The following VARS1 variants were observed in gnomAD, a reference collection of about 807,000 sequenced individuals.
VARS1 encodes valyl-tRNA synthetase 1, also known as valine--tRNA ligase.
VARS1 carries 92 observed loss-of-function variants against 161.0 expected under a neutral mutation model. That is an observed-to-expected ratio of 0.57 (90% CI 0.48 to 0.68). The LOEUF is 0.68. Among genes scored for constraint, VARS1 ranks in the 30% least tolerant of loss-of-function variants. The probability of loss-of-function intolerance (pLI) is 0.00; values close to 1 mark genes in which losing one functional copy is unlikely to be tolerated. For missense variants in VARS1, 1,338 were observed against 1,695.9 expected (o/e 0.79, Z 3.71); for synonymous variants, 595 against 682.5 (o/e 0.87, Z 2.00).
chr6:31,777,722 C>T lies in VARS1; in HGVS notation c.3727-60G>A. On this transcript the variant is annotated intron_variant, in intron 29 of 29. Transcript: ENST00000375663. This position sits in a 1 kb window ranked among gnomAD's most constrained non-coding sequence, Gnocchi z 5.8. ...GTCCAAGTGAAGAGACCCCCAAACA[C>T]CCAGGACAACAAAGTTGGAAAGATG... 1 of 1,569,338 alleles carries T rather than the reference C, an allele frequency of 6.4e-7. No individual in the cohort carries two copies. Among genetic ancestry groups the T allele is most frequent in the Non-Finnish European group, 8.7e-7 (1 of 1,152,060 alleles).
Position 31,795,163 on chromosome 6 carries a change from G to A in VARS1, c.55C>T (p.Leu19Phe). Residue 19 changes from leucine to phenylalanine, a missense_variant, in exon 2 of 30, where the codon CTC (leucine) becomes TTC (phenylalanine). Coordinates refer to ENST00000375663, the MANE Select transcript of VARS1 (RefSeq NM_006295.3). This position sits in a 1 kb window ranked among gnomAD's most constrained non-coding sequence, Gnocchi z 6.9. Reference protein sequence around the residue: ...HPDAFPSLRALIAARYGEAGE... With the variant: ...HPDAFPSLRAFIAARYGEAGE... Reference sequence around the variant, plus strand: ...GCCTCCCCATAGCGAGCGGCTATGAGGGCTCGGAGGCTGGGGAAGGCATCT... The same window carrying A: ...GCCTCCCCATAGCGAGCGGCTATGAAGGCTCGGAGGCTGGGGAAGGCATCT... 1 of 1,481,130 alleles carries A rather than the reference G, an allele frequency of 6.8e-7. No homozygotes were observed. Among genetic ancestry groups the A allele is most frequent in the Non-Finnish European group, 9.0e-7 (1 of 1,116,120 alleles). The allele number at this position is 1,481,130 out of a possible 1,614,324, so 91.7% of individuals were successfully genotyped here.
intron 8 of VARS1, among the ~76,000 whole-genome samples, chr6:31,790,602 CAAAAAAAAA>C (rs9279419): frequency 2.3e-5 from 1 of 43,386 alleles, no homozygotes; most frequent in Non-Finnish European, 3.9e-5. Flanking sequence ...AACTCTGTCT[CAAAAAAAAA>C]AAAAAAAAAA....
rs1359951081 is a variant in VARS1 at position 31,795,137 on chromosome 6, A to T, written c.81T>A (p.Ala27=). ...CTCCTCCCCATCCGGGACCCTCCCC[A>T]GCCTCCCCATAGCGAGCGGCTATGA... ...RALIAARYGE[A]GEGPGWGGAH... Residue 27 remains alanine, a synonymous_variant, in exon 2 of 30, where the codon GCT becomes GCA. Transcript: ENST00000375663. This position sits in a 1 kb window ranked among gnomAD's most constrained non-coding sequence, Gnocchi z 6.9. 6.7e-7 allele frequency: 1 copy of T among 1,487,660 alleles called. No homozygotes were observed. Among genetic ancestry groups the T allele is most frequent in the African/African-American group, 1.4e-5 (1 of 71,312 alleles). The allele number at this position is 1,487,660 out of a possible 1,614,324, so 92.2% of individuals were successfully genotyped here.
rs1813345798 is a variant in VARS1, at chr6:31,784,301, G to A, written c.1584C>T (p.Asp528=). The A allele has an allele frequency of 1.2e-6, 2 of 1,614,142 alleles. No individual in the cohort carries two copies. The highest frequency in any genetic ancestry group is 1.1e-5 in the South Asian group (1 of 91,080). Residue 528 remains aspartate (D), a synonymous_variant, in exon 13 of 30, where the codon GAC becomes GAT. Coordinates refer to ENST00000375663, the MANE Select transcript of VARS1 (RefSeq NM_006295.3). The surrounding 1 kb of genome is among the most constrained non-coding windows in gnomAD (Gnocchi z 6.1). The part of the protein sequence containing the change: ...FAYKVQGSDS[D]EEVVVATTRI... ...GAGTTGTTGCCACCACCACCTCCTC[G>A]TCGCTATCTGGGGTGACAGAAGGCC...
At position 31,795,220 on chromosome 6, in the gene VARS1, T is replaced by G; in HGVS notation, c.-3A>C. The G allele has an allele frequency of 7.0e-7, 1 of 1,425,966 alleles. No individual in the cohort carries two copies. Among genetic ancestry groups the G allele is most frequent in the South Asian group, 1.7e-5 (1 of 59,456 alleles). 88.3% of individuals were successfully genotyped at this position (1,425,966 alleles called of 1,614,324 possible). A position where few individuals can be genotyped will look rare whatever the true frequency, so the allele number is the denominator to read the frequency against. On this transcript the variant is annotated 5_prime_UTR_variant, in exon 2 of 30. Coordinates refer to ENST00000375663, the MANE Select transcript of VARS1 (RefSeq NM_006295.3). The surrounding 1 kb of genome is among the most constrained non-coding windows in gnomAD (Gnocchi z 6.9). ...GGGGAGACGTAGAGGGTGGACATAG[T>G]TATGAGAAGGTCCGAACGAAGTGGA...
intron 2 of VARS1, among the ~76,000 whole-genome samples, chr6:31,793,976 C>T (rs555011748): frequency 5.9e-5 from 9 of 151,426 alleles, no homozygotes; most frequent in East Asian, 1.9e-4. Flanking sequence ...AGGTGGTGGG[C>T]GCCTGTAATC....
chr6:31,795,085 G>T lies in VARS1; in HGVS notation c.133C>A (p.Pro45Thr). ...GAHPRICLQP[P>T]PTSRTPFPPP... The stretch of plus-strand genomic sequence containing the variant: ...GGAAAGGGAGTCCTGCTAGTCGGGG[G>T]TGGCTGGAGACAGATGCGGGGGTGG... Residue 45 changes from proline (P) to threonine (T), a missense_variant, in exon 2 of 30, where the codon CCC (proline) becomes ACC (threonine). Transcript: ENST00000375663. The surrounding 1 kb of genome is among the most constrained non-coding windows in gnomAD (Gnocchi z 6.9). The T allele has an allele frequency of 4.0e-6, 6 of 1,504,876 alleles. No homozygotes were observed. Among genetic ancestry groups the T allele is most frequent in the Non-Finnish European group, 4.4e-6 (5 of 1,123,600 alleles). 93.2% of individuals were successfully genotyped at this position (1,504,876 alleles called of 1,614,324 possible). A position where few individuals can be genotyped will look rare whatever the true frequency, so the allele number is the denominator to read the frequency against.
In VARS1 at chr6:31,791,816, G is replaced by C; in HGVS notation, c.972+55C>G. ...CCCCTCCCAGGCAACACATCCTTCA[G>C]TCCTGCCCTTCCCCACCCCACCCAC... On this transcript the variant is annotated intron_variant, in intron 7 of 29. Coordinates refer to ENST00000375663, the MANE Select transcript of VARS1 (RefSeq NM_006295.3). This position sits in a 1 kb window ranked among gnomAD's most constrained non-coding sequence, Gnocchi z 5.0. 6.2e-7 allele frequency: 1 copy of C among 1,612,846 alleles called. No homozygotes were observed. Among genetic ancestry groups the C allele is most frequent in the Non-Finnish European group, 8.5e-7 (1 of 1,179,932 alleles).
In VARS1 at chr6:31,781,791, G is replaced by C; in HGVS notation, c.2348-30C>G. On this transcript the variant is annotated intron_variant, in intron 19 of 29. Coordinates refer to ENST00000375663, the MANE Select transcript of VARS1 (RefSeq NM_006295.3). This position sits in a 1 kb window ranked among gnomAD's most constrained non-coding sequence, Gnocchi z 6.8. ...GAGAGGCCAAAGGTCAGAGGTCAGA[G>C]GGAGTGGAGCTCTGCCCCCCACAAC... The C allele has an allele frequency of 6.2e-7, 1 of 1,612,994 alleles. No homozygotes were observed. The highest frequency in any genetic ancestry group is 8.5e-7 in the Non-Finnish European group (1 of 1,179,992).
rs1001950036 is a variant in VARS1, at chr6:31,780,312, A to G, written c.2925+129T>C. The G allele has an allele frequency of 5.7e-5, 86 of 1,516,820 alleles. No homozygotes were observed. The highest frequency in any genetic ancestry group is 3.7e-4 in the Admixed American group (18 of 48,832). The allele number at this position is 1,516,820 out of a possible 1,614,324, so 94.0% of individuals were successfully genotyped here. On this transcript the variant is annotated intron_variant, in intron 25 of 29. Transcript: ENST00000375663. This position sits in a 1 kb window ranked among gnomAD's most constrained non-coding sequence, Gnocchi z 5.1. ...AAGAAGTGACAGGCCCCAGCCCCCA[A>G]TGCGCTGGGCTTTCCCTTTAACTGT...
At chr6:31,788,714 C>G (rs1446327754) in intron 8 of VARS1, among the ~76,000 whole-genome samples, 1 of 151,810 alleles carries the variant, frequency 6.6e-6, no homozygotes, top group Non-Finnish European at 1.5e-5. Context: ...GAGGCTGAGG[C>G]AGGAGTATGC....
Position 31,784,842 on chromosome 6 carries a change from G to A in VARS1, c.1348-128C>T. The A allele has an allele frequency of 7.3e-7, 1 of 1,371,342 alleles. No homozygotes were observed. Among genetic ancestry groups the A allele is most frequent in the South Asian group, 1.4e-5 (1 of 73,268 alleles). The allele number at this position is 1,371,342 out of a possible 1,614,324, so 84.9% of individuals were successfully genotyped here. ...GGCCAGCACAAAGACCCCTCTGAGGGGAGTACTTTCCTTCTTTCCTTGAGG... is the reference window on the plus strand; with the variant it reads ...GGCCAGCACAAAGACCCCTCTGAGGAGAGTACTTTCCTTCTTTCCTTGAGG... On this transcript the variant is annotated intron_variant, in intron 10 of 29. Coordinates refer to ENST00000375663, the MANE Select transcript of VARS1 (RefSeq NM_006295.3). This position sits in a 1 kb window ranked among gnomAD's most constrained non-coding sequence, Gnocchi z 6.1.
chr6:31,781,972 T>G lies in VARS1; in HGVS notation c.2242-20A>C, dbSNP rs757583659. ...AGGGTCCTGCCACAGGTGCAGTGAT[T>G]ACCCAAGGGGGTGTGTCTGCTTCTG... is the stretch of plus-strand genomic sequence containing the variant. On this transcript the variant is annotated intron_variant, in intron 18 of 29. Transcript: ENST00000375663. This position sits in a 1 kb window ranked among gnomAD's most constrained non-coding sequence, Gnocchi z 6.8. The G allele has an allele frequency of 6.2e-7, 1 of 1,612,994 alleles. No homozygotes were observed. The highest frequency in any genetic ancestry group is 8.5e-7 in the Non-Finnish European group (1 of 1,179,992).
chr6:31,784,110 G>C lies in VARS1; in HGVS notation c.1671+104C>G, dbSNP rs1813333017. 7.6e-7 allele frequency: 1 copy of C among 1,320,358 alleles called. No homozygotes were observed. The highest frequency in any genetic ancestry group is 1.3e-5 in the South Asian group (1 of 76,624). The allele number at this position is 1,320,358 out of a possible 1,614,324, so 81.8% of individuals were successfully genotyped here. A position where few individuals can be genotyped will look rare whatever the true frequency, so the allele number is the denominator to read the frequency against. ...AAGCTGAAGACCAGTTTCTAACCCA[G>C]TTTCCTCTCCTCAGCCAGGGGCCTA... On this transcript the variant is annotated intron_variant, in intron 13 of 29. Coordinates refer to ENST00000375663, the MANE Select transcript of VARS1 (RefSeq NM_006295.3). The surrounding 1 kb of genome is among the most constrained non-coding windows in gnomAD (Gnocchi z 6.1).
chr6:31,792,032 G>A, intron 6 of VARS1, 61 bp from the exon 7 acceptor site: 2 of 1,497,004 alleles, frequency 1.3e-6, no homozygotes, highest in Non-Finnish European at 1.8e-6. Flanking sequence ...AAGGAGACGT[G>A]CTGGCAGAGA....
In VARS1 at chr6:31,794,855, G is replaced by C; in HGVS notation, c.363C>G (p.Leu121=). Residue 121 remains leucine (L), a synonymous_variant, in exon 2 of 30, where the codon CTC becomes CTG. Coordinates refer to ENST00000375663, the MANE Select transcript of VARS1 (RefSeq NM_006295.3). ...ACGATLPALG[L]RSSAQDPQAV... ...CCTGGGGGTCCTGGGCCGAGCTTCG[G>C]AGTCCCAGGGCCGGCAGCGTTGCTC... 6.2e-7 allele frequency: 1 copy of C among 1,606,614 alleles called. No homozygotes were observed. Among genetic ancestry groups the C allele is most frequent in the Non-Finnish European group, 8.5e-7 (1 of 1,175,222 alleles).
Position 31,777,775 on chromosome 6 carries a change from C to T in VARS1, c.3727-113G>A. ...CGAGGACCATGGGAGGTCAGTAGCT[C>T]AGAGGAGGCGTGAACCTGGCTGGCC... On this transcript the variant is annotated intron_variant, in intron 29 of 29. Coordinates refer to ENST00000375663, the MANE Select transcript of VARS1 (RefSeq NM_006295.3). The surrounding 1 kb of genome is among the most constrained non-coding windows in gnomAD (Gnocchi z 5.8). 7.7e-7 allele frequency: 1 copy of T among 1,296,728 alleles called. No individual in the cohort carries two copies. Among genetic ancestry groups the T allele is most frequent in the Non-Finnish European group, 1.1e-6 (1 of 923,516 alleles). 80.3% of individuals were successfully genotyped at this position (1,296,728 alleles called of 1,614,324 possible). A position where few individuals can be genotyped will look rare whatever the true frequency, so the allele number is the denominator to read the frequency against.
chr6:31,791,613 C>A lies in VARS1; in HGVS notation c.1097G>T (p.Arg366Leu). ...LTNAIQDSLT[R>L]WHRMRGETTL... ...GAAGGTGCAGATAGAAGCTCACCAT[C>A]GAGTCAGGGAGTCCTGGATGGCGTT... Residue 366 changes from arginine to leucine, a missense_variant, in exon 8 of 30, where the codon CGA becomes CTA. Coordinates refer to ENST00000375663, the MANE Select transcript of VARS1 (RefSeq NM_006295.3). The surrounding 1 kb of genome is among the most constrained non-coding windows in gnomAD (Gnocchi z 5.0). The A allele has an allele frequency of 1.9e-6, 3 of 1,609,500 alleles. No individual in the cohort carries two copies. Among genetic ancestry groups the A allele is most frequent in the Non-Finnish European group, 2.5e-6 (3 of 1,177,974 alleles).
chr6:31,783,478 C>T (rs1206433164), intron 13 of VARS1, among the ~76,000 whole-genome samples: 2 of 151,906 alleles, frequency 1.3e-5, no homozygotes, highest in Non-Finnish European at 2.9e-5. Context: ...CCACTGCACT[C>T]TAGCCTGGGC....
Sources: gnomAD v4.1 joint callset for allele counts (sites outside exome capture counted in the v4.1 genomes callset) on GRCh38, gnomAD v4.1.1 for gene constraint, Gnocchi (gnomAD v3.1) non-coding constraint, MANE v1.5 for transcripts, NCBI Gene and HGNC (gene_info 2026-07-23, HGNC 2026-07-21) for gene names.